The following CD8B2 variants were observed in gnomAD, a reference collection of about 807,000 sequenced individuals.
CD8B2 encodes T-cell surface glycoprotein CD8 beta-2 chain.
In CD8B2, 11 loss-of-function variants were observed where a neutral mutation model predicts 23.7. The ratio of observed to expected loss-of-function variants is 0.46; its 90% confidence interval spans 0.29 to 0.77. CD8B2 has a LOEUF of 0.77. Among genes scored for constraint, CD8B2 ranks in the 30% least tolerant of loss-of-function variants. The probability of loss-of-function intolerance (pLI) is 0.09; values close to 1 mark genes in which losing one functional copy is unlikely to be tolerated. For synonymous variants in CD8B2, 90 were observed against 109.3 expected (o/e 0.82, Z 1.10); for missense variants, 197 against 270.5 (o/e 0.73, Z 1.91).
chr2:106,538,389 T>C lies in CD8B2; in HGVS notation c.621-5603T>C, dbSNP rs576009844. Among the ~76,000 whole-genome samples the C allele has an allele frequency of 4.6e-5, 7 of 152,304 alleles. No homozygotes were observed. The South Asian group carries it at 1.0e-3, about 23-fold the overall frequency. On this transcript the variant is annotated intron_variant, in intron 5 of 5. Coordinates refer to the CD8B2 transcript ENST00000416057. ...GAAACGGTACACAAATGGCCTGCTT[T>C]TCTCTTTACTTGTTCTTAAAATTGA...
intron 5 of CD8B2, among the ~76,000 whole-genome samples, chr2:106,538,864 G>A (rs1034910992): frequency 2.0e-5 from 3 of 151,628 alleles, no homozygotes; most frequent in East Asian, 1.9e-4. Context: ...TCATCAGGCC[G>A]GGCACTGCCA....
intron 5 of CD8B2, among the ~76,000 whole-genome samples, chr2:106,517,700 G>GT (rs1316020730): frequency 0.017 from 2,341 of 136,376 alleles, 60 homozygotes; most frequent in African/African-American, 0.057. Context: ...TATAGCTTCT[G>GT]TTTTTTTTTT....
chr2:106,500,460 G>C (rs186398187), intron 3 of CD8B2, among the ~76,000 whole-genome samples: 1 of 150,048 alleles, frequency 6.7e-6, no homozygotes, highest in Admixed American at 6.7e-5. Flanking sequence ...CAGAGGTTGC[G>C]GTGAGCCCAG....
downstream of CD8B2, among the ~76,000 whole-genome samples, chr2:106,515,773 C>T (rs1679720428): frequency 6.6e-6 from 1 of 152,120 alleles, no homozygotes; most frequent in South Asian, 2.1e-4. Flanking sequence ...AAATCTGAGC[C>T]TCTTCTGAAC....
downstream of CD8B2, among the ~76,000 whole-genome samples, chr2:106,516,005 T>C (rs1222456370): frequency 6.6e-6 from 1 of 151,958 alleles, no homozygotes; most frequent in African/African-American, 2.4e-5. Flanking sequence ...TTTTTTTGTA[T>C]TTTTGGTAGA....
intron 5 of CD8B2, among the ~76,000 whole-genome samples, chr2:106,526,215 A>G (rs899886866): frequency 1.3e-5 from 2 of 151,260 alleles, no homozygotes; most frequent in South Asian, 4.2e-4. Context: ...CACTCTATCC[A>G]GCCTGGGAAA....
At position 106,506,971 on chromosome 2, in the gene CD8B2, A is replaced by C. The variant is rs1679519447; in HGVS notation, c.*31A>C. Reference sequence around the variant, plus strand: ...GAATACGGTTTTGGTGTCCTGCTACAAAAAGACATCGGTCAGTAACGAGCA... The same window carrying C: ...GAATACGGTTTTGGTGTCCTGCTACCAAAAGACATCGGTCAGTAACGAGCA... On this transcript the variant is annotated 3_prime_UTR_variant, in exon 6 of 6. Coordinates refer to ENST00000643224, the MANE Select transcript of CD8B2 (RefSeq NM_001349727.2). The C allele has an allele frequency of 6.3e-7, 1 of 1,596,658 alleles. No individual in the cohort carries two copies. The highest frequency in any genetic ancestry group is 1.3e-5 in the African/African-American group (1 of 74,228).
chr2:106,487,587 C>T (rs1003536679), intron 1 of CD8B2, 118 bp downstream of exon 1: 3 of 511,890 alleles, frequency 5.9e-6, no homozygotes, highest in Non-Finnish European at 9.1e-6. Context: ...CCCGCGGTGG[C>T]GGGGCGCCCG....
chr2:106,534,669 AGGCTGCTCG>A (rs2104575101), intron 5 of CD8B2, among the ~76,000 whole-genome samples: 1 of 152,324 alleles, frequency 6.6e-6, no homozygotes, highest in African/African-American at 2.4e-5. Flanking sequence ...GCAGCTAGGA[AGGCTGCTCG>A]GAGGTGCTGC....
intron 5 of CD8B2, among the ~76,000 whole-genome samples, chr2:106,533,246 T>A (rs891405275): frequency 5.3e-5 from 8 of 152,138 alleles, no homozygotes; most frequent in African/African-American, 1.9e-4. Flanking sequence ...GCTCAGGTCA[T>A]CTGGGCAGCA....
rs918508662 is a variant in CD8B2, at chr2:106,487,452, T to A, written c.26T>A (p.Leu9Gln). 2.1e-5 allele frequency: 26 copies of A among 1,249,124 alleles called. No homozygotes were observed. The Admixed American group carries it at 6.7e-4, about 32-fold the overall frequency. The allele number at this position is 1,249,124 out of a possible 1,614,324, so 77.4% of individuals were successfully genotyped here. The change falls in exon 1 of 6, where the codon CTG becomes CAG. Residue 9 changes from leucine (L) to glutamine (Q), a missense_variant. Transcript: ENST00000643224. ...ATGCGGCCGCGGCTGTGGCTCCTCC[T>A]GGCCGCGCAGCTGACAGGTAAGGCG... MRPRLWLL[L>Q]AAQLTVLHGN... is the part of the protein sequence containing the mutation.
Position 106,507,400 on chromosome 2 carries a change from G to C in CD8B2, c.*460G>C. 1 of 986,652 alleles carries C rather than the reference G, an allele frequency of 1.0e-6. No individual in the cohort carries two copies. The highest frequency in any genetic ancestry group is 1.7e-5 in the African/African-American group (1 of 57,408). The allele number at this position is 986,652 out of a possible 1,614,324, so 61.1% of individuals were successfully genotyped here. A position where few individuals can be genotyped will look rare whatever the true frequency, so the allele number is the denominator to read the frequency against. ...TGGGGCTGACCTTCCTCGCAGAGAG[G>C]CCAGGTGCAGGTTGGGAATGAGGCT... On this transcript the variant is annotated 3_prime_UTR_variant, in exon 6 of 6. Coordinates refer to ENST00000643224, the MANE Select transcript of CD8B2 (RefSeq NM_001349727.2).
chr2:106,524,556 T>C (rs574482993), intron 5 of CD8B2, among the ~76,000 whole-genome samples: 60 of 152,318 alleles, frequency 3.9e-4, no homozygotes, highest in African/African-American at 1.4e-3. Context: ...CCTGAGACTC[T>C]GCACTTGTAA....
intron 5 of CD8B2, among the ~76,000 whole-genome samples, chr2:106,530,085 C>A (rs910705551): frequency 6.6e-6 from 1 of 152,226 alleles, no homozygotes; most frequent in Non-Finnish European, 1.5e-5. Context: ...TGGATGCCAG[C>A]ATGGCTCTGC....
chr2:106,517,704 TTTTTTTG>T (rs1207774936), intron 5 of CD8B2, among the ~76,000 whole-genome samples: 1 of 134,566 alleles, frequency 7.4e-6, no homozygotes, highest in African/African-American at 2.9e-5. Context: ...GCTTCTGTTT[TTTTTTTG>T]TTTTTTTGTT....
chr2:106,521,790 A>G (rs1222279676), intron 5 of CD8B2: 1 of 152,238 alleles, frequency 6.6e-6, no homozygotes, highest in East Asian at 1.9e-4. Context: ...ATGGGGAAAG[A>G]TAACTCTAGT....
At chr2:106,532,115 G>A (rs984381175) in intron 5 of CD8B2, among the ~76,000 whole-genome samples, 9 of 152,216 alleles carry the variant, frequency 5.9e-5, no homozygotes, top group Non-Finnish European at 5.9e-5. Context: ...AGTTAGCTGA[G>A]CCCTGTCAAA....
At chr2:106,542,435 G>A (rs768809663) in intron 5 of CD8B2, among the ~76,000 whole-genome samples, 1 of 152,030 alleles carries the variant, frequency 6.6e-6, no homozygotes, top group African/African-American at 2.4e-5. Context: ...TTTGTAAACT[G>A]AAATATATTT....
intron 5 of CD8B2, among the ~76,000 whole-genome samples, chr2:106,518,045 CTG>C (rs1421100106): frequency 2.0e-5 from 3 of 152,190 alleles, no homozygotes; most frequent in Non-Finnish European, 4.4e-5. Flanking sequence ...GCTTGCAACA[CTG>C]TAACAATACT....
Sources: allele counts gnomAD v4.1 joint callset (sites outside exome capture counted in the v4.1 genomes callset), GRCh38; gene constraint gnomAD v4.1.1; transcripts MANE v1.5; gene names NCBI Gene and HGNC (gene_info 2026-07-23, HGNC 2026-07-21).